UGT2B7: variants seen among roughly 807,000 people sequenced by gnomAD.
UGT2B7 encodes the protein UDP-glucuronosyltransferase 2B7.
In UGT2B7, 51 loss-of-function variants were observed where a neutral mutation model predicts 51.9. The ratio of observed to expected loss-of-function variants is 0.98; its 90% CI spans 0.78 to 1.24. The LOEUF (loss-of-function observed/expected upper bound fraction) is 1.24, where lower values mean the gene tolerates loss of function less well. Ranked by LOEUF, UGT2B7 falls within the 50% of genes most tolerant of loss-of-function variation. The pLI, the probability that UGT2B7 is intolerant of heterozygous loss-of-function variation, is 0.00. For synonymous variants in UGT2B7, 225 were observed against 211.6 expected, an observed-to-expected ratio of 1.06 and a Z score of -0.55; for missense variants, 727 against 628.4, an observed-to-expected ratio of 1.16 and a Z score of -1.68.
Position 69,107,155 on chromosome 4 carries a change from T to A in UGT2B7, c.1003-20T>A, listed in dbSNP as rs1719624655. ...TTTGAATTCCACTCATGGAATAAAA[T>A]ATTTTCTTTATTGTAACAGGTTCTG... is the stretch of plus-strand genomic sequence containing the variant. On this transcript the variant is annotated intron_variant, in intron 3 of 5. Coordinates refer to ENST00000305231, the MANE Select transcript of UGT2B7 (RefSeq NM_001074.4). 6.2e-7 allele frequency: 1 copy of A among 1,601,934 alleles called. No homozygotes were observed. Among genetic ancestry groups the A allele is most frequent in the East Asian group, 2.2e-5 (1 of 44,618 alleles).
At chr4:69,098,367 C>T (rs1719308065) in intron 1 of UGT2B7, among the ~76,000 whole-genome samples, 173 bp from the exon 2 acceptor site, 1 of 151,828 alleles carries the variant, frequency 6.6e-6, no homozygotes, top group African/African-American at 2.4e-5. Flanking sequence ...TACACATGGG[C>T]AAAATATGTA....
At chr4:69,059,724 G>T (rs1045018750) in intron 1 of UGT2B7, among the ~76,000 whole-genome samples, 1 of 152,084 alleles carries the variant, frequency 6.6e-6, no homozygotes, top group African/African-American at 2.4e-5. Flanking sequence ...TCATAAACAT[G>T]GAATCATAGT....
chr4:69,104,546 C>G (rs1719535176), intron 3 of UGT2B7, among the ~76,000 whole-genome samples: 2 of 151,956 alleles, frequency 1.3e-5, no homozygotes, highest in Admixed American at 6.6e-5. Flanking sequence ...GATATTAGTT[C>G]AAAATCAAAA....
chr4:69,096,455 G>A, upstream of UGT2B7: 1 of 1,602,110 alleles, frequency 6.2e-7, no homozygotes, highest in East Asian at 2.2e-5. Context: ...ATTTATCTTT[G>A]GACATAACCA....
chr4:69,105,842 A>G (rs553635171), intron 3 of UGT2B7, among the ~76,000 whole-genome samples: 1 of 152,270 alleles, frequency 6.6e-6, no homozygotes, highest in Non-Finnish European at 1.5e-5. Context: ...TATTTTGTCA[A>G]TCAAAGGACA....
Sources: allele counts gnomAD v4.1 joint callset (sites outside exome capture counted in the v4.1 genomes callset), GRCh38; gene constraint gnomAD v4.1.1; transcripts MANE v1.5; gene names NCBI Gene and HGNC (gene_info 2026-07-23, HGNC 2026-07-21).